TPH1: variants seen among roughly 807,000 people sequenced by gnomAD.
The protein encoded by TPH1 is tryptophan hydroxylase 1.
In TPH1, 37 loss-of-function variants were observed where a neutral mutation model predicts 49.5. The ratio of observed to expected loss-of-function variants is 0.75; its 90% CI spans 0.58 to 0.98. The LOEUF (loss-of-function observed/expected upper bound fraction) is 0.98. TPH1 is among the 50% of genes least tolerant of loss of function. TPH1 has a pLI of 0.00. For missense variants in TPH1, 487 were observed against 523.6 expected (o/e 0.93, Z 0.68); for synonymous variants, 160 against 182.1 (o/e 0.88, Z 0.98).
chr11:18,039,180 AT>A, intron 2 of TPH1, among the ~76,000 whole-genome samples: 1 of 152,326 alleles, frequency 6.6e-6, no homozygotes, highest in East Asian at 1.9e-4. Context: ...TCTTTGAAAT[AT>A]TCTTTGCAAA....
intron 10 of TPH1, 73 bp downstream of exon 10, chr11:18,022,725 T>G: frequency 6.4e-7 from 1 of 1,562,370 alleles, no homozygotes; most frequent in South Asian, 1.1e-5. Flanking sequence ...GCTGCTTACT[T>G]CTGTGACTTG....
chr11:18,030,584 A>G (rs1017823499), intron 4 of TPH1, among the ~76,000 whole-genome samples: 1 of 152,198 alleles, frequency 6.6e-6, no homozygotes, highest in Non-Finnish European at 1.5e-5. Context: ...AAAAACAGAT[A>G]TGAACAAAGC....
intron 8 of TPH1, among the ~76,000 whole-genome samples, chr11:18,024,509 G>T (rs1847908257): frequency 6.6e-6 from 1 of 152,142 alleles, no homozygotes; most frequent in Non-Finnish European, 1.5e-5. Context: ...GCTTCATGCG[G>T]TTATCTAGTT....
chr11:18,021,470 A>G (rs1854361988), intron 10 of TPH1, among the ~76,000 whole-genome samples: 1 of 152,180 alleles, frequency 6.6e-6, no homozygotes, highest in Non-Finnish European at 1.5e-5. Flanking sequence ...ATTACTGTAT[A>G]CATCTCTTGA....
intron 3 of TPH1, among the ~76,000 whole-genome samples, chr11:18,035,026 C>T (rs1037196893): frequency 6.6e-6 from 1 of 152,236 alleles, no homozygotes; most frequent in Non-Finnish European, 1.5e-5. Flanking sequence ...CTCGCACTCG[C>T]AGTTCACAAT....
chr11:18,045,346 A>G (rs184432921), intron 1 of TPH1, among the ~76,000 whole-genome samples: 5 of 152,354 alleles, frequency 3.3e-5, no homozygotes, highest in African/African-American at 9.6e-5. Context: ...GCACTGGCAG[A>G]GAAAATGGAA....
chr11:18,021,405 G>A (rs1057436864), intron 10 of TPH1, among the ~76,000 whole-genome samples: 3 of 152,142 alleles, frequency 2.0e-5, no homozygotes, highest in African/African-American at 7.2e-5. Flanking sequence ...TAAAGTAGTT[G>A]TAAATCCCTG....
intron 2 of TPH1, among the ~76,000 whole-genome samples, chr11:18,037,601 G>T (rs1189982314): frequency 6.6e-6 from 1 of 151,860 alleles, no homozygotes; most frequent in Non-Finnish European, 1.5e-5. Flanking sequence ...TCTAAATGAT[G>T]ACTTGAATAA....
At chr11:18,023,032 T>C in intron 9 of TPH1, 101 bp from the exon 10 acceptor site, 1 of 1,277,458 alleles carries the variant, frequency 7.8e-7, no homozygotes, top group Non-Finnish European at 1.1e-6. Flanking sequence ...ACTAATGCAA[T>C]GGCCCCAATC....
rs773277808 is a variant in TPH1, at chr11:18,029,212, C to T, written c.620G>A (p.Arg207Gln). The T allele has an allele frequency of 2.1e-5, 34 of 1,613,822 alleles. No individual in the cohort carries two copies. In the Admixed American group the frequency reaches 2.7e-4, roughly 13 times the overall value. ...LPLLSKYCGY[R>Q]EDNIPQLEDV... ...TTCCAATTGTGGGATATTATCCTCCCGATATCCACAATATTTAGAAAGCAA... is the reference window on the plus strand; with the variant it reads ...TTCCAATTGTGGGATATTATCCTCCTGATATCCACAATATTTAGAAAGCAA... The change falls in exon 6 of 11, where the codon CGG becomes CAG. Residue 207 changes from arginine (R) to glutamine (Q), a missense_variant. Coordinates refer to ENST00000682019, the MANE Select transcript of TPH1 (RefSeq NM_004179.3).
At chr11:18,021,244 T>A (rs1236332514) in intron 10 of TPH1, 79 bp from the exon 11 acceptor site, 2 of 1,431,466 alleles carry the variant, frequency 1.4e-6, no homozygotes, top group African/African-American at 2.8e-5. Flanking sequence ...AGAATATATT[T>A]CACATACTAG....
At chr11:18,025,383 T>C (rs781241488) in intron 8 of TPH1, among the ~76,000 whole-genome samples, 192 bp downstream of exon 8, 53 of 152,038 alleles carry the variant, frequency 3.5e-4, no homozygotes, top group Non-Finnish European at 6.3e-4. Flanking sequence ...TCCTTTCCTC[T>C]CTTTTCTTTT....
At chr11:18,030,108 A>C (rs1382503627) in intron 4 of TPH1, among the ~76,000 whole-genome samples, 1 of 152,212 alleles carries the variant, frequency 6.6e-6, no homozygotes. Flanking sequence ...TCATGAAAAA[A>C]AATTTTTTTA....
chr11:18,019,685 C>A lies in TPH1; in HGVS notation c.*1306G>T, dbSNP rs747366427. 4.3e-6 allele frequency: 2 copies of A among 463,552 alleles called. No homozygotes were observed. Among genetic ancestry groups the A allele is most frequent in the South Asian group, 3.1e-5 (2 of 64,826 alleles). 28.7% of individuals were successfully genotyped at this position (463,552 alleles called of 1,614,324 possible). On this transcript the variant is annotated 3_prime_UTR_variant, in exon 11 of 11. Coordinates refer to ENST00000682019, the MANE Select transcript of TPH1 (RefSeq NM_004179.3). The stretch of plus-strand genomic sequence containing the variant: ...GGTGACATTCCCCATGAAGAGATGG[C>A]AAAAAGAGTAGAAGTGCAAAGACAG...
chr11:18,019,494 G>C lies in TPH1; in HGVS notation c.*1497C>G, dbSNP rs879694021. On this transcript the variant is annotated 3_prime_UTR_variant, in exon 11 of 11. Coordinates refer to ENST00000682019, the MANE Select transcript of TPH1 (RefSeq NM_004179.3). Reference sequence around the variant, plus strand: ...GAACAACCCCTATTCATTCTATGTGGATGATGCCACATGAAGTTGTACAGC... The same window carrying C: ...GAACAACCCCTATTCATTCTATGTGCATGATGCCACATGAAGTTGTACAGC... 1 of 371,466 alleles carries C rather than the reference G, an allele frequency of 2.7e-6. No individual in the cohort carries two copies. The highest frequency in any genetic ancestry group is 2.1e-5 in the African/African-American group (1 of 47,080). 23.0% of individuals were successfully genotyped at this position (371,466 alleles called of 1,614,324 possible).
intron 4 of TPH1, among the ~76,000 whole-genome samples, chr11:18,029,897 G>A (rs1293532744): frequency 2.0e-5 from 3 of 151,910 alleles, no homozygotes; most frequent in Non-Finnish European, 1.5e-5. Context: ...CAAGGGTGAG[G>A]GGTTTTTTCC....
Position 18,020,851 on chromosome 11 carries a change from G to T in TPH1, c.*140C>A. 1.3e-6 allele frequency: 1 copy of T among 778,696 alleles called. No individual in the cohort carries two copies. The highest frequency in any genetic ancestry group is 2.2e-6 in the Non-Finnish European group (1 of 456,742). The allele number at this position is 778,696 out of a possible 1,614,324, so 48.2% of individuals were successfully genotyped here. On this transcript the variant is annotated 3_prime_UTR_variant, in exon 11 of 11. Transcript: ENST00000682019. ...TCCAGGTACAAATTTTCAAAGACTA[G>T]TGATTCCTTAAGTAGTGGAATTCGA...
intron 2 of TPH1, among the ~76,000 whole-genome samples, chr11:18,038,063 A>G (rs563992310): frequency 6.6e-6 from 1 of 152,336 alleles, no homozygotes; most frequent in African/African-American, 2.4e-5. Flanking sequence ...ACACAAATAC[A>G]TTGGGAAGAC....
chr11:18,021,672 G>T (rs1565234410), intron 10 of TPH1, among the ~76,000 whole-genome samples: 1 of 151,912 alleles, frequency 6.6e-6, no homozygotes, highest in Non-Finnish European at 1.5e-5. Flanking sequence ...AAATAGACTA[G>T]GAATGGTCCT....
Sources: gnomAD v4.1 joint callset for allele counts (sites outside exome capture counted in the v4.1 genomes callset) on GRCh38, gnomAD v4.1.1 for gene constraint, MANE v1.5 for transcripts, NCBI Gene and HGNC (gene_info 2026-07-23, HGNC 2026-07-21) for gene names.